CSMD3: variants seen among roughly 807,000 people sequenced by gnomAD.
The protein encoded by CSMD3 is CUB and Sushi multiple domains 3.
CSMD3 carries 177 observed loss-of-function variants against 435.2 expected under a neutral mutation model. That is an observed-to-expected ratio of 0.41 (90% CI 0.36 to 0.46). The LOEUF (loss-of-function observed/expected upper bound fraction) is 0.46, where lower values mean the gene tolerates loss of function less well. CSMD3 is among the 20% of genes least tolerant of loss of function. The pLI is 0.34. For synonymous variants in CSMD3, 1,656 were observed against 1,520.5 expected (o/e 1.09, Z -2.07); for missense variants, 4,265 against 4,504.6 (o/e 0.95, Z 1.52).
intron 35 of CSMD3, among the ~76,000 whole-genome samples, chr8:112,394,118 G>C (rs1052830978): frequency 2.0e-5 from 3 of 151,928 alleles, no homozygotes; most frequent in Non-Finnish European, 4.4e-5. Flanking sequence ...TTTCATCTTA[G>C]GGATTGTCAC....
At chr8:112,579,926 T>A (rs1830220291) in intron 23 of CSMD3, among the ~76,000 whole-genome samples, 1 of 152,084 alleles carries the variant, frequency 6.6e-6, no homozygotes, top group African/African-American at 2.4e-5. Flanking sequence ...ACATTTTGCA[T>A]AAGAAATAAA....
chr8:112,313,796 A>G, intron 49 of CSMD3, 110 bp downstream of exon 49: 1 of 826,624 alleles, frequency 1.2e-6, no homozygotes, highest in Non-Finnish European at 2.1e-6. Flanking sequence ...CCATCAATGG[A>G]GGAGCTGTGA....
intron 1 of CSMD3, among the ~76,000 whole-genome samples, chr8:113,333,894 C>A (rs1257724224): frequency 1.3e-5 from 2 of 151,818 alleles, no homozygotes; most frequent in Non-Finnish European, 2.9e-5. Context: ...GACTTTCAGT[C>A]CATGAGCTCA....
chr8:112,615,728 C>A (rs1021617159), intron 22 of CSMD3, among the ~76,000 whole-genome samples: 1 of 151,988 alleles, frequency 6.6e-6, no homozygotes, highest in Non-Finnish European at 1.5e-5. Context: ...TATTCTGGAG[C>A]AGTTTTGTGG....
chr8:112,622,814 T>C (rs1470894874), intron 22 of CSMD3, among the ~76,000 whole-genome samples: 2 of 152,138 alleles, frequency 1.3e-5, no homozygotes, highest in Non-Finnish European at 2.9e-5. Flanking sequence ...GAATACTGAA[T>C]GGGTTGATAC....
chr8:112,662,040 G>T (rs1348117065), intron 17 of CSMD3, among the ~76,000 whole-genome samples: 1 of 152,096 alleles, frequency 6.6e-6, no homozygotes, highest in African/African-American at 2.4e-5. Context: ...ACAAATGGAA[G>T]AACATTCCAT....
At chr8:113,182,892 G>A (rs1025632428) in intron 3 of CSMD3, among the ~76,000 whole-genome samples, 1 of 133,030 alleles carries the variant, frequency 7.5e-6, no homozygotes, top group East Asian at 1.9e-4. Context: ...TGTTGTTGTT[G>A]TTGTTATCGT....
chr8:113,255,969 C>A (rs1164373493), intron 3 of CSMD3, among the ~76,000 whole-genome samples: 2 of 151,942 alleles, frequency 1.3e-5, no homozygotes, highest in Non-Finnish European at 2.9e-5. Flanking sequence ...ATTTAAGCCT[C>A]CAATTCTTTG....
chr8:112,903,169 A>G (rs1014038907), intron 10 of CSMD3, among the ~76,000 whole-genome samples: 1 of 149,732 alleles, frequency 6.7e-6, no homozygotes, highest in African/African-American at 2.4e-5. Flanking sequence ...AAAAAAAAAA[A>G]AAAAAAGAAA....
At chr8:112,347,686 AAC>A (rs1207616037) in intron 40 of CSMD3, among the ~76,000 whole-genome samples, 1 of 152,144 alleles carries the variant, frequency 6.6e-6, no homozygotes, top group Non-Finnish European at 1.5e-5. Flanking sequence ...TTCACCCTTA[AAC>A]CAAATCAATT....
intron 34 of CSMD3, among the ~76,000 whole-genome samples, chr8:112,406,942 AG>A (rs1442707647): frequency 6.6e-6 from 1 of 151,974 alleles, no homozygotes; most frequent in East Asian, 1.9e-4. Flanking sequence ...TTATTAGAAA[AG>A]TTTTACTTTT....
chr8:112,359,791 G>A (rs1422049157), intron 38 of CSMD3, among the ~76,000 whole-genome samples: 3 of 152,038 alleles, frequency 2.0e-5, no homozygotes, highest in African/African-American at 4.8e-5. Context: ...AATGCCCAGT[G>A]CCTTAATTAG....
intron 9 of CSMD3, among the ~76,000 whole-genome samples, chr8:112,944,726 T>G (rs555514573): frequency 6.6e-6 from 1 of 151,610 alleles, no homozygotes; most frequent in African/African-American, 2.4e-5. Flanking sequence ...CAGTCCCTGC[T>G]TGCCCTTTAA....
chr8:112,827,160 CATAAATATATAT>C lies in CSMD3; in HGVS notation c.1859+2514_1859+2525del, dbSNP rs1351177319. 5.5e-3 allele frequency among the ~76,000 whole-genome samples: 212 copies of C among 38,704 alleles called. 7 individuals carry two copies. Among genetic ancestry groups the C allele is most frequent in the African/African-American group, 0.011 (122 of 10,656 alleles). The allele number at this position is 38,704 out of a possible 152,430, so 25.4% of individuals were successfully genotyped here. On this transcript the variant is annotated intron_variant, in intron 12 of 70. Transcript: ENST00000297405. ...TTTCTTCTGTATTTTACTAGGTTAC[CATAAATATATAT>C]ATATATATATATATATATATATATA...
chr8:113,342,947 G>C (rs567530621), intron 1 of CSMD3, among the ~76,000 whole-genome samples: 1 of 152,034 alleles, frequency 6.6e-6, no homozygotes, highest in East Asian at 1.9e-4. Context: ...AGTTGAAGAA[G>C]ATAATTAAGA....
intron 13 of CSMD3, among the ~76,000 whole-genome samples, chr8:112,690,623 G>A (rs2076114374): frequency 1.4e-5 from 2 of 144,172 alleles, no homozygotes; most frequent in Admixed American, 1.4e-4. Context: ...CTTCTCAAAG[G>A]AAGCAATCAG....
At chr8:113,147,941 C>G (rs1267676260) in intron 4 of CSMD3, among the ~76,000 whole-genome samples, 1 of 151,730 alleles carries the variant, frequency 6.6e-6, no homozygotes, top group African/African-American at 2.4e-5. Context: ...AACACTACAT[C>G]ACTTCCTCCC....
intron 24 of CSMD3, among the ~76,000 whole-genome samples, chr8:112,566,606 T>C (rs1829082668): frequency 6.6e-6 from 1 of 152,092 alleles, no homozygotes; most frequent in South Asian, 2.1e-4. Context: ...GAGCAGCTTA[T>C]AAAATCAAGC....
chr8:112,936,491 G>T (rs1299117417), intron 9 of CSMD3, among the ~76,000 whole-genome samples: 2 of 152,032 alleles, frequency 1.3e-5, no homozygotes, highest in African/African-American at 4.8e-5. Flanking sequence ...TTCAAATTTT[G>T]CAAGGAAGGG....
Sources: gnomAD v4.1 joint callset for allele counts (sites outside exome capture counted in the v4.1 genomes callset) on GRCh38, gnomAD v4.1.1 for gene constraint, MANE v1.5 for transcripts, NCBI Gene and HGNC (gene_info 2026-07-23, HGNC 2026-07-21) for gene names.